The following PCSK2 variants were observed in gnomAD, a reference collection of about 807,000 sequenced individuals.
The protein encoded by PCSK2 is proprotein convertase subtilisin/kexin type 2, also known as neuroendocrine convertase 2.
A neutral mutation model predicts 69.7 loss-of-function variants in PCSK2; 14 were observed. That is an observed-to-expected ratio of 0.20 (90% CI 0.13 to 0.31). The LOEUF is 0.31. PCSK2 is among the 10% of genes least tolerant of loss of function. PCSK2 has a pLI of 1.00. For synonymous variants in PCSK2, 307 were observed against 320.7 expected (o/e 0.96, Z 0.46); for missense variants, 544 against 842.5 (o/e 0.65, Z 4.39).
intron 5 of PCSK2, among the ~76,000 whole-genome samples, chr20:17,398,546 A>T (rs1410593348): frequency 6.8e-6 from 1 of 147,934 alleles, no homozygotes; most frequent in Non-Finnish European, 1.5e-5. Context: ...AAAAAAAAAA[A>T]TGCAGATTCA....
At chr20:17,338,842 G>A (rs191976343) in intron 2 of PCSK2, among the ~76,000 whole-genome samples, 144 of 152,118 alleles carry the variant, frequency 9.5e-4, no homozygotes, top group East Asian at 8.9e-3. Flanking sequence ...CAATTCAAAG[G>A]GAAGACAATC....
chr20:17,229,896 T>C (rs1480113157), intron 1 of PCSK2, among the ~76,000 whole-genome samples: 1 of 152,258 alleles, frequency 6.6e-6, no homozygotes, highest in African/African-American at 2.4e-5. Context: ...CATAAGCTAA[T>C]AAATGCCATC....
chr20:17,411,184 A>T (rs1338265770), intron 6 of PCSK2, among the ~76,000 whole-genome samples: 1 of 152,174 alleles, frequency 6.6e-6, no homozygotes, highest in Non-Finnish European at 1.5e-5. Context: ...AAGATGGGCA[A>T]TTTCTGCATT....
Position 17,453,700 on chromosome 20 carries a change from C to T in PCSK2, c.886-42C>T, listed in dbSNP as rs1445138785. 7.5e-6 allele frequency: 12 copies of T among 1,605,742 alleles called. No individual in the cohort carries two copies. The highest frequency in any genetic ancestry group is 9.3e-6 in the Non-Finnish European group (11 of 1,177,362). On this transcript the variant is annotated intron_variant, in intron 8 of 11. Coordinates refer to ENST00000262545, the MANE Select transcript of PCSK2 (RefSeq NM_002594.5). The surrounding 1 kb of genome is among the most constrained non-coding windows in gnomAD (Gnocchi z 4.0). ...GAGACCTCCCCTGCCCCCTCGCAGC[C>T]CAGGCTGTGGGTAGCGGCAGCGTCT...
intron 1 of PCSK2, among the ~76,000 whole-genome samples, chr20:17,239,423 A>C (rs1986469118): frequency 7.3e-6 from 1 of 137,384 alleles, no homozygotes; most frequent in Non-Finnish European, 1.6e-5. Context: ...GCCATTTGTG[A>C]TCTCTTGAAG....
rs527421612 is a variant in PCSK2, at chr20:17,315,965, A to T, written c.283-42362A>T. On this transcript the variant is annotated intron_variant, in intron 2 of 11. Transcript: ENST00000262545. Reference sequence around the variant, plus strand: ...AAATTAACTGTCCGGCCTTGCTGGCATCTCTGTTGACAACGCGATCATTCC... The same window carrying T: ...AAATTAACTGTCCGGCCTTGCTGGCTTCTCTGTTGACAACGCGATCATTCC... Among the ~76,000 whole-genome samples the T allele has an allele frequency of 6.6e-5, 10 of 152,322 alleles. No homozygotes were observed. The South Asian group carries it at 2.1e-3, about 32-fold the overall frequency.
intron 10 of PCSK2, among the ~76,000 whole-genome samples, chr20:17,460,547 A>G (rs968882648): frequency 6.6e-6 from 1 of 152,242 alleles, no homozygotes; most frequent in East Asian, 1.9e-4. Flanking sequence ...TAAGTGGACA[A>G]TCACTCATCT....
rs1157598579 is a variant in PCSK2, at chr20:17,347,873, AAAGAAAGAAAGAAAGAAAG to A, written c.283-10451_283-10433del. ...GAAAGAAAGAAAGAGGAGAGAGAAA[AAAGAAAGAAAGAAAGAAAG>A]AAAGAAAGAAAGAAAGAAAGAAAGA... On this transcript the variant is annotated intron_variant, in intron 2 of 11. Coordinates refer to ENST00000262545, the MANE Select transcript of PCSK2 (RefSeq NM_002594.5). Among the ~76,000 whole-genome samples the A allele has an allele frequency of 1.8e-3, 5 of 2,826 alleles. 1 individual carries two copies. The highest frequency in any genetic ancestry group is 5.4e-3 in the Non-Finnish European group (5 of 932). The allele number at this position is 2,826 out of a possible 152,430, so 1.9% of individuals were successfully genotyped here. A position where few individuals can be genotyped will look rare whatever the true frequency, so the allele number is the denominator to read the frequency against.
chr20:17,376,362 C>T (rs1568624338), intron 5 of PCSK2, among the ~76,000 whole-genome samples: 1 of 152,230 alleles, frequency 6.6e-6, no homozygotes, highest in Non-Finnish European at 1.5e-5. Context: ...CTGTTATATG[C>T]TGCTGACATA....
chr20:17,423,659 C>T (rs1457854880), intron 6 of PCSK2, among the ~76,000 whole-genome samples: 1 of 151,220 alleles, frequency 6.6e-6, no homozygotes, highest in Non-Finnish European at 1.5e-5. Context: ...AAAAAAGTCA[C>T]AATAAATAAA....
chr20:17,335,192 T>TTCG (rs1990310260), intron 2 of PCSK2, among the ~76,000 whole-genome samples: 4 of 70,612 alleles, frequency 5.7e-5, no homozygotes, highest in African/African-American at 1.5e-4. Context: ...GCAGCGGAGA[T>TTCG]TGGGGGGGTT....
At chr20:17,264,658 C>G (rs1987522336) in intron 2 of PCSK2, among the ~76,000 whole-genome samples, 1 of 152,138 alleles carries the variant, frequency 6.6e-6, no homozygotes, top group Non-Finnish European at 1.5e-5. Context: ...CTTCAGAAAT[C>G]TCATAATACC....
intron 1 of PCSK2, among the ~76,000 whole-genome samples, chr20:17,257,148 G>A (rs527978561): frequency 7.2e-5 from 11 of 152,160 alleles, no homozygotes; most frequent in Non-Finnish European, 1.5e-4. Context: ...AGATACTTAC[G>A]TGGCCAACAA....
At chr20:17,474,526 T>C (rs993139894) in intron 11 of PCSK2, among the ~76,000 whole-genome samples, 3 of 152,202 alleles carry the variant, frequency 2.0e-5, no homozygotes, top group Non-Finnish European at 4.4e-5. Context: ...ATAAGACCTT[T>C]AGCCTGGGCA....
intron 2 of PCSK2, among the ~76,000 whole-genome samples, chr20:17,339,464 T>C (rs373837323): frequency 2.0e-4 from 25 of 121,970 alleles, no homozygotes; most frequent in African/African-American, 8.5e-4. Flanking sequence ...CCAGCCCATG[T>C]TGATTTTTTT....
intron 5 of PCSK2, among the ~76,000 whole-genome samples, chr20:17,377,733 A>G (rs1352900954): frequency 6.6e-6 from 1 of 152,224 alleles, no homozygotes; most frequent in Non-Finnish European, 1.5e-5. Flanking sequence ...GAGAATGGGG[A>G]CTTTTTAAAA....
At chr20:17,264,171 A>G (rs1202573291) in intron 2 of PCSK2, among the ~76,000 whole-genome samples, 2 of 152,220 alleles carry the variant, frequency 1.3e-5, no homozygotes, top group Non-Finnish European at 2.9e-5. Flanking sequence ...AATATATTTT[A>G]AAAACATGAA....
intron 5 of PCSK2, among the ~76,000 whole-genome samples, chr20:17,390,542 A>C (rs2031345772): frequency 6.6e-6 from 1 of 152,156 alleles, no homozygotes. Context: ...CAGAATTTTC[A>C]CTGCCCACCT....
intron 6 of PCSK2, among the ~76,000 whole-genome samples, chr20:17,419,088 T>C (rs1763652557): frequency 6.6e-6 from 1 of 152,214 alleles, no homozygotes; most frequent in African/African-American, 2.4e-5. Flanking sequence ...TAGCAACACA[T>C]CTCTCCTAGG....
Sources: allele counts gnomAD v4.1 joint callset (sites outside exome capture counted in the v4.1 genomes callset), GRCh38; gene constraint gnomAD v4.1.1; non-coding constraint Gnocchi (gnomAD v3.1); transcripts MANE v1.5; gene names NCBI Gene and HGNC (gene_info 2026-07-23, HGNC 2026-07-21).